Variants in KIF20B observed in about 807,000 individuals in gnomAD.
KIF20B encodes kinesin family member 20B.
KIF20B carries 188 observed loss-of-function variants against 232.5 expected under a neutral mutation model. The ratio of observed to expected loss-of-function variants is 0.81; its 90% CI spans 0.72 to 0.91. KIF20B has a LOEUF of 0.91. Among genes scored for constraint, KIF20B ranks in the 40% least tolerant of loss-of-function variants. The pLI, the probability that KIF20B is intolerant of heterozygous loss-of-function variation, is 0.00. For synonymous variants in KIF20B, 712 were observed against 683.0 expected (o/e 1.04, Z -0.66); for missense variants, 2,154 against 2,055.9 (o/e 1.05, Z -0.92).
chr10:89,710,691 A>G (rs1325332879), intron 5 of KIF20B, among the ~76,000 whole-genome samples: 1 of 152,228 alleles, frequency 6.6e-6, no homozygotes, highest in Admixed American at 6.5e-5. Flanking sequence ...TTTTACTTTT[A>G]TAGTTTGTGA....
At position 89,715,022 on chromosome 10, in the gene KIF20B, C is replaced by G; in HGVS notation, c.780C>G (p.Asn260Lys). The G allele has an allele frequency of 1.2e-6, 2 of 1,604,390 alleles. No homozygotes were observed. Among genetic ancestry groups the G allele is most frequent in the Non-Finnish European group, 8.5e-7 (1 of 1,174,876 alleles). Reference sequence around the variant, plus strand: ...CCATAAAAGATTATGAACAAGCCAACTTGAATATGGCTAATAGTATAAAAT... The same window carrying G: ...CCATAAAAGATTATGAACAAGCCAAGTTGAATATGGCTAATAGTATAAAAT... ...EESIKDYEQANLNMANSIKFS... is the reference protein window; with the variant it reads ...EESIKDYEQAKLNMANSIKFS... The change falls in exon 8 of 33, where the codon AAC becomes AAG. Residue 260 changes from asparagine (N) to lysine (K), a missense_variant. Asn to Lys is a moderately conservative substitution (Grantham distance 94). Transcript: ENST00000371728.
At chr10:89,750,111 A>G (rs1841993709) in intron 23 of KIF20B, among the ~76,000 whole-genome samples, 1 of 152,164 alleles carries the variant, frequency 6.6e-6, no homozygotes, top group Non-Finnish European at 1.5e-5. Context: ...GACTGATTAA[A>G]TAATTATCTT....
intron 1 of KIF20B, among the ~76,000 whole-genome samples, chr10:89,703,733 T>G (rs1329569582): frequency 6.6e-6 from 1 of 150,534 alleles, no homozygotes; most frequent in Non-Finnish European, 1.5e-5. Context: ...AATTTGACTT[T>G]GGCGCCCCAG....
chr10:89,764,311 A>C (rs1318563966), intron 29 of KIF20B, among the ~76,000 whole-genome samples: 1 of 151,754 alleles, frequency 6.6e-6, no homozygotes, highest in South Asian at 2.1e-4. Context: ...GGACATTTGG[A>C]TTGGTTCCAA....
At position 89,718,934 on chromosome 10, in the gene KIF20B, A is replaced by G. The variant is rs1231335501; in HGVS notation, c.1434+62A>G. ...ATATTAACAGTTTTTCTTGAAATAA[A>G]TATTTTTTACTTAATACTGTAAGCC... On this transcript the variant is annotated intron_variant, in intron 12 of 32. Coordinates refer to ENST00000371728, the MANE Select transcript of KIF20B (RefSeq NM_001284259.2). 5.5e-6 allele frequency: 6 copies of G among 1,083,016 alleles called. No individual in the cohort carries two copies. In the African/African-American group the frequency reaches 8.3e-5, roughly 15 times the overall value. 67.1% of individuals were successfully genotyped at this position (1,083,016 alleles called of 1,614,324 possible).
chr10:89,747,723 G>T (rs535028905), intron 23 of KIF20B, among the ~76,000 whole-genome samples: 4 of 151,288 alleles, frequency 2.6e-5, no homozygotes, highest in African/African-American at 7.3e-5. Flanking sequence ...ACATCACACT[G>T]TGGGGACTGT....
At chr10:89,708,255 A>G (rs1842766926) in intron 2 of KIF20B, among the ~76,000 whole-genome samples, 1 of 150,596 alleles carries the variant, frequency 6.6e-6, no homozygotes, top group Non-Finnish European at 1.5e-5. Flanking sequence ...CTTGTTGCCC[A>G]GGCTGGAGTG....
Position 89,768,292 on chromosome 10 carries a change from CT to C in KIF20B, c.4994del (p.Leu1665TrpfsTer2), listed in dbSNP as rs1361796415. On this transcript the variant is annotated frameshift_variant, in exon 30 of 33. Coordinates refer to ENST00000371728, the MANE Select transcript of KIF20B (RefSeq NM_001284259.2). LOFTEE classifies it high-confidence loss of function. ...KRKSNEMEED[L>X]VKCENKKNAT... is the part of the protein sequence containing the mutation. ...GTGCTAAAATTCATTATTTTTAGGA[CT>C]TGGTGAAATGTGAAAATAAGAAGAA... 1 of 1,529,782 alleles carries C rather than the reference CT, an allele frequency of 6.5e-7. No individual in the cohort carries two copies. The highest frequency in any genetic ancestry group is 8.9e-7 in the Non-Finnish European group (1 of 1,121,044). The allele number at this position is 1,529,782 out of a possible 1,614,324, so 94.8% of individuals were successfully genotyped here.
chr10:89,764,851 A>G (rs1475318787), intron 29 of KIF20B, among the ~76,000 whole-genome samples: 6 of 152,070 alleles, frequency 3.9e-5, no homozygotes, highest in South Asian at 2.1e-4. Context: ...TAGGTCACCT[A>G]TTCACTCTGA....
Position 89,750,339 on chromosome 10 carries a change from C to A in KIF20B, c.4097-1007C>A, listed in dbSNP as rs367992371. Among the ~76,000 whole-genome samples, 163 of 152,132 alleles carry A rather than the reference C, an allele frequency of 1.1e-3. 4 individuals are homozygous for A. The South Asian group carries it at 0.033, about 31-fold the overall frequency. ...GTGTAATATGAATATATTTGAAAAT[C>A]ATGCTTTTTGAAAGAGATTTATATG... On this transcript the variant is annotated intron_variant, in intron 23 of 32. Transcript: ENST00000371728.
chr10:89,714,032 C>T lies in KIF20B; in HGVS notation c.676-15C>T. ...AAAATGTTTTTTTAATTTTTTAAAA[C>T]AATCTTTTTTTTAGGTTACTGTGCA... On this transcript the variant is annotated splice_polypyrimidine_tract_variant and intron_variant, in intron 6 of 32. Transcript: ENST00000371728. 7.5e-7 allele frequency: 1 copy of T among 1,327,718 alleles called. No homozygotes were observed. Among genetic ancestry groups the T allele is most frequent in the Non-Finnish European group, 1.0e-6 (1 of 976,916 alleles). 82.2% of individuals were successfully genotyped at this position (1,327,718 alleles called of 1,614,324 possible). A position where few individuals can be genotyped will look rare whatever the true frequency, so the allele number is the denominator to read the frequency against.
Position 89,710,043 on chromosome 10 carries a change from A to C in KIF20B, c.468A>C (p.Ser156=), listed in dbSNP as rs1468125976. ...RLIFTYGLTN[S]GKTYTFQGTE... is the part of the protein sequence containing the mutation. ...TTTTTACTTACGGGCTAACCAATTC[A>C]GGAAAAACATATACATTTCAAGGTA... Residue 156 remains serine (S), a synonymous_variant, in exon 5 of 33, where the codon TCA becomes TCC. Transcript: ENST00000371728. 6.2e-7 allele frequency: 1 copy of C among 1,607,628 alleles called. No homozygotes were observed. The highest frequency in any genetic ancestry group is 8.5e-7 in the Non-Finnish European group (1 of 1,177,552).
chr10:89,727,915 T>C lies in KIF20B; in HGVS notation c.2271+19T>C. The C allele has an allele frequency of 6.5e-7, 1 of 1,542,006 alleles. No individual in the cohort carries two copies. Among genetic ancestry groups the C allele is most frequent in the South Asian group, 1.2e-5 (1 of 85,498 alleles). ...TAATAAGGTAATGCTTTAAGTTTTA[T>C]TTTGTCTTGATAAGGTATTTAATTA... On this transcript the variant is annotated intron_variant, in intron 17 of 32. Coordinates refer to ENST00000371728, the MANE Select transcript of KIF20B (RefSeq NM_001284259.2).
At position 89,768,789 on chromosome 10, in the gene KIF20B, T is replaced by G. The variant is rs746470352; in HGVS notation, c.5143T>G (p.Ser1715Ala). The G allele has an allele frequency of 1.2e-6, 2 of 1,607,928 alleles. No individual in the cohort carries two copies. Residue 1715 changes from serine (S) to alanine (A), a missense_variant, in exon 31 of 33, where the codon TCC becomes GCC. Coordinates refer to ENST00000371728, the MANE Select transcript of KIF20B (RefSeq NM_001284259.2). ...KKTYSLRSQA[S>A]IIGVNLATKK... ...AACATATTCTTTACGGAGTCAGGCA[T>G]CCATAATTGGTGTAAACCTGGCCAC...
chr10:89,726,311 G>T lies in KIF20B; in HGVS notation c.2020G>T (p.Gly674Ter). ...VETEETHNYV[G>*]FEDIIDSLQD... ...TTTTTAGGAAACACATAATTATGTA[G>T]GATTTGAAGATATTATTGATTCTCT... The change falls in exon 16 of 33, where the codon GGA becomes TGA. Residue 674 changes from glycine (G) to a stop codon, truncating the protein, a stop_gained. Coordinates refer to ENST00000371728, the MANE Select transcript of KIF20B (RefSeq NM_001284259.2). LOFTEE classifies it high-confidence loss of function. 1 of 1,548,054 alleles carries T rather than the reference G, an allele frequency of 6.5e-7. No homozygotes were observed. The highest frequency in any genetic ancestry group is 1.7e-4 in the Middle Eastern group (1 of 5,834).
intron 26 of KIF20B, among the ~76,000 whole-genome samples, chr10:89,756,156 C>T (rs965286116): frequency 2.6e-5 from 4 of 152,148 alleles, no homozygotes; most frequent in African/African-American, 9.7e-5. Flanking sequence ...GCTCTGTCCT[C>T]ATGTCACATG....
At chr10:89,704,626 G>A (rs576934316) in intron 1 of KIF20B, among the ~76,000 whole-genome samples, 2 of 151,794 alleles carry the variant, frequency 1.3e-5, no homozygotes, top group Non-Finnish European at 2.9e-5. Context: ...GCGCGATCGC[G>A]ATTCACTGCA....
intron 13 of KIF20B, among the ~76,000 whole-genome samples, chr10:89,722,345 C>A (rs1043341718): frequency 1.3e-5 from 2 of 152,168 alleles, no homozygotes; most frequent in Non-Finnish European, 2.9e-5. Context: ...TTATCAGATG[C>A]TAACAATGAT....
chr10:89,704,243 A>C (rs1273045804), intron 1 of KIF20B, among the ~76,000 whole-genome samples: 5 of 152,116 alleles, frequency 3.3e-5, no homozygotes, highest in Non-Finnish European at 7.4e-5. Flanking sequence ...TTAGTTTGGG[A>C]GTCACTGATC....
Sources: gnomAD v4.1 joint callset for allele counts (sites outside exome capture counted in the v4.1 genomes callset) on GRCh38, gnomAD v4.1.1 for gene constraint, MANE v1.5 for transcripts, NCBI Gene and HGNC (gene_info 2026-07-23, HGNC 2026-07-21) for gene names.